The following PUDP variants were observed in gnomAD, a reference collection of about 807,000 sequenced individuals.
PUDP encodes the protein pseudouridine 5'-phosphatase.
In PUDP, 8 loss-of-function variants were observed where a neutral mutation model predicts 9.4. The observed-to-expected ratio is 0.85, with a 90% CI of 0.50 to 1.53. The LOEUF is 1.53. PUDP is among the 40% of genes most tolerant of loss of function. The pLI is 0.00. For missense variants in PUDP, 188 were observed against 189.7 expected (o/e 0.99, Z 0.05); for synonymous variants, 99 against 80.7 (o/e 1.23, Z -1.22).
chrX:6,996,592 AT>A (rs1439402184), intron 1 of PUDP, among the ~76,000 whole-genome samples: 2 of 106,528 alleles, frequency 1.9e-5, no homozygotes, highest in African/African-American at 6.9e-5. Context: ...ATATATATAC[AT>A]TTTTATACAT....
intron 3 of PUDP, among the ~76,000 whole-genome samples, chrX:6,888,500 A>T (rs756456742): frequency 1.8e-5 from 2 of 109,355 alleles, no homozygotes; most frequent in African/African-American, 6.6e-5. Flanking sequence ...ATACAAAAAA[A>T]TTAGCCAGGC....
At chrX:7,119,544 C>T (rs1161563575) in intron 1 of PUDP, among the ~76,000 whole-genome samples, 8 of 112,362 alleles carry the variant, frequency 7.1e-5, no homozygotes, top group African/African-American at 2.6e-4. Flanking sequence ...TGATATATCG[C>T]TTCCTGTAGC....
intron 3 of PUDP, among the ~76,000 whole-genome samples, chrX:6,738,552 G>C (rs1924900328): frequency 9.0e-6 from 1 of 111,726 alleles, no homozygotes; most frequent in Non-Finnish European, 1.9e-5. Context: ...TTGAGCAACT[G>C]TCCATTTTCT....
chrX:6,736,317 G>T (rs1174501336), intron 3 of PUDP, among the ~76,000 whole-genome samples: 19 of 111,436 alleles, frequency 1.7e-4, no homozygotes, highest in Non-Finnish European at 3.6e-4. Context: ...ACTGAATAAT[G>T]CCCTCCTATC....
intron 3 of PUDP, among the ~76,000 whole-genome samples, chrX:6,954,443 T>C (rs1281485791): frequency 9.0e-6 from 1 of 110,815 alleles, no homozygotes; most frequent in African/African-American, 3.3e-5. Context: ...TCTCACCACA[T>C]ACTGGCTCCT....
At chrX:7,144,645 C>T (rs759159414) in intron 1 of PUDP, among the ~76,000 whole-genome samples, 12 of 110,764 alleles carry the variant, frequency 1.1e-4, no homozygotes, top group Non-Finnish European at 2.1e-4. Flanking sequence ...GAGGAAGCTA[C>T]GGGAGTGCAA....
intron 1 of PUDP, among the ~76,000 whole-genome samples, chrX:6,716,121 T>TA (rs375682882): frequency 9.9e-4 from 94 of 95,363 alleles, no homozygotes; most frequent in African/African-American, 1.7e-3. Context: ...ATATGTTAGC[T>TA]AAAAAAAAAA....
rs149122159 is a variant in PUDP, at chrX:6,870,725, C to G, written c.*247+106408G>C. On this transcript the variant is annotated intron_variant and NMD_transcript_variant, in intron 3 of 3. Coordinates refer to the PUDP transcript ENST00000655425. ...ATTATTTTAAAATGTCACATCATGTCACTTTCACCATATTCTATTGTTGGA... is the reference window on the plus strand; with the variant it reads ...ATTATTTTAAAATGTCACATCATGTGACTTTCACCATATTCTATTGTTGGA... Among the ~76,000 whole-genome samples, 637 of 112,557 alleles carry G rather than the reference C, an allele frequency of 5.7e-3. 4 individuals are homozygous for G. Among genetic ancestry groups the G allele is most frequent in the African/African-American group, 0.019 (577 of 31,085 alleles).
chrX:6,813,765 T>C (rs1489101402), intron 3 of PUDP, among the ~76,000 whole-genome samples: 2 of 111,496 alleles, frequency 1.8e-5, no homozygotes, highest in Non-Finnish European at 3.8e-5. Flanking sequence ...GTAACTTTTG[T>C]TGTGTTTTCA....
rs748572483 is a variant in PUDP at position 6,968,947 on chromosome X, C to T, written c.*247+8186G>A. 1.9e-4 allele frequency among the ~76,000 whole-genome samples: 21 copies of T among 112,054 alleles called. No homozygotes were observed. In the East Asian group the frequency reaches 6.0e-3, roughly 32 times the overall value. ...TCTTCATCTCTTATGTTTCCAAGGG[C>T]CTAGGCTTCATTGTTGCCAGTATCT... On this transcript the variant is annotated intron_variant and NMD_transcript_variant, in intron 3 of 3. Transcript: ENST00000655425.
Position 7,148,131 on chromosome X carries a change from C to T in PUDP, c.-18G>A, listed in dbSNP as rs1432074362. The T allele has an allele frequency of 9.1e-7, 1 of 1,103,289 alleles. No homozygotes were observed. The highest frequency in any genetic ancestry group is 1.2e-6 in the Non-Finnish European group (1 of 830,783). 90.9% of individuals were successfully genotyped at this position (1,103,289 alleles called of 1,213,427 possible). On this transcript the variant is annotated 5_prime_UTR_variant, in exon 1 of 4. Coordinates refer to ENST00000381077, the MANE Select transcript of PUDP (RefSeq NM_012080.5). ...GCCGCCATGGTGGCGCCTTCTGGGT[C>T]TGGGTGGGGGCGAGGAGGAAGTGCG...
chrX:6,868,603 C>G (rs1406040761), intron 3 of PUDP, among the ~76,000 whole-genome samples: 2 of 112,392 alleles, frequency 1.8e-5, no homozygotes. Context: ...TTGTGTCTCT[C>G]TATACAAATG....
intron 3 of PUDP, among the ~76,000 whole-genome samples, chrX:6,973,782 T>A (rs1340441177): frequency 9.0e-6 from 1 of 111,510 alleles, no homozygotes; most frequent in African/African-American, 3.3e-5. Context: ...GTCTTGTTGA[T>A]CTGTCTAATA....
intron 3 of PUDP, among the ~76,000 whole-genome samples, chrX:7,053,231 C>G (rs1205956957): frequency 9.0e-6 from 1 of 111,386 alleles, no homozygotes; most frequent in African/African-American, 3.3e-5. Context: ...CTTTTATTCT[C>G]TATTTGCGTG....
chrX:6,927,370 G>A (rs1446289995), intron 3 of PUDP, among the ~76,000 whole-genome samples: 1 of 112,157 alleles, frequency 8.9e-6, no homozygotes, highest in African/African-American at 3.2e-5. Context: ...AAAATTCTGG[G>A]AAGTAATTTC....
chrX:7,070,850 T>C (rs898026251), intron 3 of PUDP, among the ~76,000 whole-genome samples: 6 of 112,256 alleles, frequency 5.3e-5, no homozygotes, highest in Admixed American at 2.8e-4. Flanking sequence ...AGTGCTGGGA[T>C]TACAGGCGTG....
At chrX:6,963,385 C>G (rs755738377) in intron 3 of PUDP, among the ~76,000 whole-genome samples, 2 of 111,268 alleles carry the variant, frequency 1.8e-5, no homozygotes, top group Admixed American at 1.9e-4. Context: ...CATGACTGAG[C>G]CAAGTCCTCA....
chrX:7,094,833 GTCAGCGTACAATTTTCCTTT>G lies in PUDP; in HGVS notation c.280+10767_280+10786del, dbSNP rs1185941930. 3.6e-5 allele frequency among the ~76,000 whole-genome samples: 4 copies of G among 112,015 alleles called. No individual in the cohort carries two copies. The Admixed American group carries it at 3.8e-4, about 11-fold the overall frequency. On this transcript the variant is annotated intron_variant, in intron 2 of 3. Coordinates refer to ENST00000381077, the MANE Select transcript of PUDP (RefSeq NM_012080.5). ...GTAAGTTGAATGTGTTACCATGACTGTCAGCGTACAATTTTCCTTTTCGCTTGTTGTGTGTGTCCTTTAAT... is the reference window on the plus strand; with the variant it reads ...GTAAGTTGAATGTGTTACCATGACTGTCGCTTGTTGTGTGTGTCCTTTAAT...
chrX:6,954,290 T>C (rs999766212), intron 3 of PUDP, among the ~76,000 whole-genome samples: 1 of 111,237 alleles, frequency 9.0e-6, no homozygotes, highest in Non-Finnish European at 1.9e-5. Context: ...GCTCCTTTGT[T>C]TCCCAGTTTG....
Sources: gnomAD v4.1 joint callset for allele counts (sites outside exome capture counted in the v4.1 genomes callset) on GRCh38, gnomAD v4.1.1 for gene constraint, MANE v1.5 for transcripts, NCBI Gene and HGNC (gene_info 2026-07-23, HGNC 2026-07-21) for gene names.